MGAT4C: variants seen among roughly 807,000 people sequenced by gnomAD.
The protein encoded by MGAT4C is alpha-1,3-mannosyl-glycoprotein 4-beta-N-acetylglucosaminyltransferase C.
A neutral mutation model predicts 40.1 loss-of-function variants in MGAT4C; 19 were observed. That is an observed-to-expected ratio of 0.47 (90% CI 0.33 to 0.70). The LOEUF (loss-of-function observed/expected upper bound fraction) is 0.70, where lower values mean the gene tolerates loss of function less well. Ranked by LOEUF, MGAT4C falls within the 30% of genes least tolerant of loss-of-function variation. MGAT4C has a pLI of 0.02. For synonymous variants in MGAT4C, 181 were observed against 187.1 expected (o/e 0.97, Z 0.27); for missense variants, 491 against 563.2 (o/e 0.87, Z 1.30).
intron 1 of MGAT4C, among the ~76,000 whole-genome samples, chr12:86,150,389 T>C (rs951763979): frequency 3.9e-5 from 6 of 152,180 alleles, no homozygotes; most frequent in Admixed American, 3.3e-4. Flanking sequence ...TGGCAAATAA[T>C]ACACGTTCAA....
At position 86,424,376 on chromosome 12, in the gene MGAT4C, T is replaced by C. The variant is rs530841721; in HGVS notation, c.-120+10781A>G. The stretch of plus-strand genomic sequence containing the variant: ...CTCCATTTGGTGAGAACCTCTCTTA[T>C]GTTTTATTCAGTGTTCTTTTTTTAG... On this transcript the variant is annotated intron_variant, in intron 3 of 7. Coordinates refer to the MGAT4C transcript ENST00000548651. Among the ~76,000 whole-genome samples the C allele has an allele frequency of 2.6e-5, 4 of 152,354 alleles. No individual in the cohort carries two copies. The East Asian group carries it at 7.7e-4, about 29-fold the overall frequency.
chr12:86,099,087 C>G lies in MGAT4C; in HGVS notation c.-56-49364G>C, dbSNP rs558336295. On this transcript the variant is annotated intron_variant, in intron 1 of 4. Coordinates refer to ENST00000611864, the MANE Select transcript of MGAT4C (RefSeq NM_001351288.2). ...TTATATGAGTTTATATCAGAATTCTCTAATTATTTTTAAAATGTTTTATAT... is the reference window on the plus strand; with the variant it reads ...TTATATGAGTTTATATCAGAATTCTGTAATTATTTTTAAAATGTTTTATAT... 3.2e-3 allele frequency among the ~76,000 whole-genome samples: 480 copies of G among 151,238 alleles called. 1 individual carries two copies. Among genetic ancestry groups the G allele is most frequent in the African/African-American group, 0.011 (436 of 41,450 alleles).
chr12:86,222,022 G>C (rs1055957025), intron 1 of MGAT4C, among the ~76,000 whole-genome samples: 2 of 152,150 alleles, frequency 1.3e-5, no homozygotes, highest in Non-Finnish European at 2.9e-5. Flanking sequence ...GACTGTAGTG[G>C]TGTTGTGATA....
At chr12:86,832,631 C>T (rs1408243443) in intron 1 of MGAT4C, among the ~76,000 whole-genome samples, 1 of 151,732 alleles carries the variant, frequency 6.6e-6, no homozygotes, top group Admixed American at 6.6e-5. Flanking sequence ...TATTTTTCTA[C>T]ATTTTTATAG....
At chr12:86,358,139 A>C (rs1317466663) in intron 3 of MGAT4C, among the ~76,000 whole-genome samples, 1 of 152,238 alleles carries the variant, frequency 6.6e-6, no homozygotes, top group Non-Finnish European at 1.5e-5. Flanking sequence ...TCTCAGCAGA[A>C]ACTCTCCAAG....
Position 85,989,518 on chromosome 12 carries a change from A to T in MGAT4C, c.29T>A (p.Ile10Asn), listed in dbSNP as rs1306862350. The change falls in exon 3 of 5, where the codon ATT (isoleucine) becomes AAT (asparagine). Residue 10 changes from isoleucine (I) to asparagine (N), a missense_variant. Physicochemically the swap from Ile to Asn is moderately radical, Grantham distance 149. Coordinates refer to ENST00000611864, the MANE Select transcript of MGAT4C (RefSeq NM_001351288.2). Reference sequence around the variant, plus strand: ...TCTCATTTTATCAAGTATTTCAAAAATATGTTTCATTTGATGAAATTTAAA... The same window carrying T: ...TCTCATTTTATCAAGTATTTCAAAATTATGTTTCATTTGATGAAATTTAAA... MFKFHQMKH[I>N]FEILDKMRCL... The T allele has an allele frequency of 1.2e-6, 2 of 1,604,760 alleles. No homozygotes were observed. Among genetic ancestry groups the T allele is most frequent in the Non-Finnish European group, 8.5e-7 (1 of 1,174,952 alleles).
chr12:86,290,051 C>CT (rs34809462), intron 4 of MGAT4C, among the ~76,000 whole-genome samples: 2,109 of 145,750 alleles, frequency 0.014, 17 homozygotes, highest in African/African-American at 0.025. Context: ...ATCTAAATCA[C>CT]TTTTTTTTTT....
chr12:86,719,293 T>C (rs1291423080), intron 2 of MGAT4C, among the ~76,000 whole-genome samples: 2 of 152,312 alleles, frequency 1.3e-5, no homozygotes, highest in African/African-American at 2.4e-5. Flanking sequence ...GTTATCTAAA[T>C]GAGATCCATG....
At chr12:86,131,992 A>C (rs1275934267) in intron 1 of MGAT4C, among the ~76,000 whole-genome samples, 1 of 152,276 alleles carries the variant, frequency 6.6e-6, no homozygotes, top group African/African-American at 2.4e-5. Context: ...TATAAATGAC[A>C]CAAGTGATTA....
intron 2 of MGAT4C, among the ~76,000 whole-genome samples, chr12:86,460,565 T>C (rs1957582465): frequency 6.6e-6 from 1 of 152,156 alleles, no homozygotes; most frequent in Admixed American, 6.5e-5. Context: ...AAAGACTTCA[T>C]ATTGTTTTAA....
chr12:86,626,909 G>A (rs534903249), intron 2 of MGAT4C, among the ~76,000 whole-genome samples: 112 of 152,342 alleles, frequency 7.4e-4, no homozygotes, highest in African/African-American at 2.6e-3. Context: ...CCAAAGCAGG[G>A]TGGGTCATCA....
chr12:86,568,782 C>T (rs1408366906), intron 2 of MGAT4C, among the ~76,000 whole-genome samples: 1 of 151,764 alleles, frequency 6.6e-6, no homozygotes, highest in Non-Finnish European at 1.5e-5. Flanking sequence ...TACGTATATA[C>T]AGACAACTGA....
At chr12:86,364,515 G>A (rs1246322567) in intron 3 of MGAT4C, among the ~76,000 whole-genome samples, 1 of 152,012 alleles carries the variant, frequency 6.6e-6, no homozygotes, top group East Asian at 1.9e-4. Context: ...TTCTGCATAT[G>A]GCTAGCCAAT....
intron 1 of MGAT4C, among the ~76,000 whole-genome samples, chr12:86,173,894 TTC>T (rs1887114508): frequency 2.0e-5 from 3 of 152,036 alleles, no homozygotes; most frequent in Admixed American, 2.0e-4. Flanking sequence ...TTTTCCTTCT[TTC>T]TCTCTTTTTT....
chr12:86,226,890 T>C (rs1412879177), intron 1 of MGAT4C, among the ~76,000 whole-genome samples: 1 of 151,906 alleles, frequency 6.6e-6, no homozygotes, highest in Non-Finnish European at 1.5e-5. Context: ...TGCAACCCAC[T>C]CCTACTAGTG....
intron 3 of MGAT4C, among the ~76,000 whole-genome samples, chr12:86,358,828 A>C (rs1287436865): frequency 6.6e-6 from 1 of 152,208 alleles, no homozygotes; most frequent in African/African-American, 2.4e-5. Context: ...TTCATAAAGC[A>C]AGTCCTTAGA....
intron 2 of MGAT4C, among the ~76,000 whole-genome samples, chr12:86,531,013 A>T (rs528083644): frequency 2.6e-5 from 4 of 152,212 alleles, no homozygotes; most frequent in African/African-American, 9.6e-5. Flanking sequence ...GAGGGTAAGG[A>T]TAGCAGCCCC....
chr12:85,998,012 C>A (rs1441436150), intron 2 of MGAT4C, among the ~76,000 whole-genome samples: 1 of 152,238 alleles, frequency 6.6e-6, no homozygotes, highest in African/African-American at 2.4e-5. Context: ...CTGCAGCAAA[C>A]TTCTATCTGG....
rs550278151 is a variant in MGAT4C at position 85,965,703 on chromosome 12, T to C, written c.*13586A>G. ...AACAAACTGTTCATGAAGTGATCAA[T>C]TGAATTTGAAACAGAACTTTTCCTA... is the stretch of plus-strand genomic sequence containing the variant. On this transcript the variant is annotated 3_prime_UTR_variant, in exon 5 of 5. Transcript: ENST00000611864. 36 of 151,908 alleles carry C rather than the reference T, an allele frequency of 2.4e-4. No individual in the cohort carries two copies. Among genetic ancestry groups the C allele is most frequent in the African/African-American group, 8.2e-4 (34 of 41,408 alleles). 9.4% of individuals were successfully genotyped at this position (151,908 alleles called of 1,614,324 possible).
Sources: gnomAD v4.1 joint callset for allele counts (sites outside exome capture counted in the v4.1 genomes callset) on GRCh38, gnomAD v4.1.1 for gene constraint, MANE v1.5 for transcripts, NCBI Gene and HGNC (gene_info 2026-07-23, HGNC 2026-07-21) for gene names.